Variants in PLA2G4A observed in about 807,000 individuals in gnomAD.
The protein encoded by PLA2G4A is cytosolic phospholipase A2.
A neutral mutation model predicts 81.9 loss-of-function variants in PLA2G4A; 40 were observed. The ratio of observed to expected loss-of-function variants is 0.49; its 90% CI spans 0.38 to 0.64. The LOEUF (loss-of-function observed/expected upper bound fraction) is 0.64. Ranked by LOEUF, PLA2G4A falls within the 30% of genes least tolerant of loss-of-function variation. The pLI, the probability that PLA2G4A is intolerant of heterozygous loss-of-function variation, is 0.00. For synonymous variants in PLA2G4A, 302 were observed against 296.9 expected, an observed-to-expected ratio of 1.02 and a Z score of -0.18; for missense variants, 715 against 905.1, an observed-to-expected ratio of 0.79 and a Z score of 2.69.
chr1:186,960,110 A>G (rs1409058999), intron 14 of PLA2G4A, among the ~76,000 whole-genome samples: 2 of 152,120 alleles, frequency 1.3e-5, no homozygotes, highest in Admixed American at 1.3e-4. Context: ...TTATAATAGG[A>G]TAAAATTCCA....
intron 5 of PLA2G4A, among the ~76,000 whole-genome samples, chr1:186,896,287 T>C (rs1445944207): frequency 6.6e-6 from 1 of 152,208 alleles, no homozygotes; most frequent in African/African-American, 2.4e-5. Flanking sequence ...TTATTACACC[T>C]TAAGAAAAGA....
At chr1:186,846,971 G>T (rs1169861771) in intron 1 of PLA2G4A, among the ~76,000 whole-genome samples, 1 of 151,832 alleles carries the variant, frequency 6.6e-6, no homozygotes, top group African/African-American at 2.4e-5. Context: ...TCTAGTCCCT[G>T]ACCGCTCCTC....
chr1:186,932,716 T>TTATGATTTTTAC (rs1283876242), intron 7 of PLA2G4A, 47 bp from the exon 8 acceptor site: 1 of 1,587,408 alleles, frequency 6.3e-7, no homozygotes, highest in South Asian at 1.1e-5. Context: ...GAACTGTATT[T>TTATGATTTTTAC]TATGATTTTT....
At chr1:186,848,770 G>A (rs767451509) in intron 1 of PLA2G4A, among the ~76,000 whole-genome samples, 37 of 151,832 alleles carry the variant, frequency 2.4e-4, no homozygotes, top group Admixed American at 4.6e-4. Context: ...CACACAGAAA[G>A]GGGGCAGAGA....
At position 186,940,195 on chromosome 1, in the gene PLA2G4A, T is replaced by G; in HGVS notation, c.1033+101T>G. 6.7e-6 allele frequency: 5 copies of G among 747,408 alleles called. No individual in the cohort carries two copies. The South Asian group carries it at 7.0e-5, about 10-fold the overall frequency. 46.3% of individuals were successfully genotyped at this position (747,408 alleles called of 1,614,324 possible). A position where few individuals can be genotyped will look rare whatever the true frequency, so the allele number is the denominator to read the frequency against. ...GTCATAAGCAATTTCAGTTGTTTAT[T>G]TTAATGTATTTTCTGTAACATAAGA... On this transcript the variant is annotated intron_variant, in intron 10 of 17. Transcript: ENST00000367466.
Position 186,962,499 on chromosome 1 carries a change from TTTA to T in PLA2G4A, c.1580-2907_1580-2905del, listed in dbSNP as rs1557893970. Among the ~76,000 whole-genome samples, 911 of 119,242 alleles carry T rather than the reference TTTA, an allele frequency of 7.6e-3. 15 individuals carry two copies. The highest frequency in any genetic ancestry group is 0.049 in the African/African-American group (878 of 17,850). 78.2% of individuals were successfully genotyped at this position (119,242 alleles called of 152,430 possible). A position where few individuals can be genotyped will look rare whatever the true frequency, so the allele number is the denominator to read the frequency against. On this transcript the variant is annotated intron_variant, in intron 14 of 17. Coordinates refer to ENST00000367466, the MANE Select transcript of PLA2G4A (RefSeq NM_024420.3). ...GTAGTTATTTTATTTTATTTATTTA[TTTA>T]TTTATTTATTTATTTATTTATTTAT... is the stretch of plus-strand genomic sequence containing the variant.
At chr1:186,951,729 A>T (rs1182578722) in intron 13 of PLA2G4A, among the ~76,000 whole-genome samples, 2 of 152,160 alleles carry the variant, frequency 1.3e-5, no homozygotes, top group Non-Finnish European at 2.9e-5. Context: ...TAAATTAAAG[A>T]AAAGCTGCCT....
At chr1:186,862,195 A>G (rs1571343415) in intron 2 of PLA2G4A, among the ~76,000 whole-genome samples, 2 of 144,058 alleles carry the variant, frequency 1.4e-5, no homozygotes, top group East Asian at 4.1e-4. Context: ...TGCCTTTCTG[A>G]CTTATGTCTG....
At chr1:186,834,014 A>G (rs1651689623) in intron 1 of PLA2G4A, among the ~76,000 whole-genome samples, 1 of 151,918 alleles carries the variant, frequency 6.6e-6, no homozygotes, top group Non-Finnish European at 1.5e-5. Flanking sequence ...CTTCCTCTTC[A>G]TTTGCTTGAC....
chr1:186,846,211 A>G (rs1652168358), intron 1 of PLA2G4A, among the ~76,000 whole-genome samples: 1 of 152,206 alleles, frequency 6.6e-6, no homozygotes, highest in Non-Finnish European at 1.5e-5. Flanking sequence ...TGCTACTATT[A>G]ACAGTTACAG....
chr1:186,846,173 T>G (rs1652166724), intron 1 of PLA2G4A, among the ~76,000 whole-genome samples: 1 of 152,180 alleles, frequency 6.6e-6, no homozygotes, highest in South Asian at 2.1e-4. Context: ...AGAAATGCCT[T>G]AATTTTGCAG....
At chr1:186,916,319 A>C (rs988864339) in intron 7 of PLA2G4A, among the ~76,000 whole-genome samples, 2 of 152,160 alleles carry the variant, frequency 1.3e-5, no homozygotes, top group African/African-American at 4.8e-5. Flanking sequence ...TTAGTACAGG[A>C]AGGGTCATTC....
rs948010823 is a variant in PLA2G4A, at chr1:186,946,915, C to T, written c.1218C>T (p.Gly406=). 27 of 1,611,984 alleles carry T rather than the reference C, an allele frequency of 1.7e-5. No homozygotes were observed. The highest frequency in any genetic ancestry group is 1.7e-4 in the Middle Eastern group (1 of 6,054). Residue 406 remains glycine (G), a synonymous_variant, in exon 12 of 18, where the codon GGC becomes GGT. Transcript: ENST00000367466. ...CCATATTGTTCAACAGAGTTTTGGG[C>T]GTTTCTGGTTCACAAAGCAGAGGCT... ...AFSILFNRVL[G]VSGSQSRGST...
intron 5 of PLA2G4A, among the ~76,000 whole-genome samples, chr1:186,894,944 C>G (rs558734992): frequency 8.5e-5 from 13 of 152,254 alleles, no homozygotes; most frequent in Admixed American, 3.3e-4. Context: ...ATACTAATTT[C>G]TTGTTGTTGG....
At chr1:186,965,119 A>G (rs1252862106) in intron 14 of PLA2G4A, among the ~76,000 whole-genome samples, 3 of 152,244 alleles carry the variant, frequency 2.0e-5, no homozygotes, top group African/African-American at 7.2e-5. Context: ...CATAGCTTAG[A>G]GTTAATACCA....
At chr1:186,862,939 CT>C (rs947422409) in intron 2 of PLA2G4A, among the ~76,000 whole-genome samples, 1 of 152,090 alleles carries the variant, frequency 6.6e-6, no homozygotes, top group Non-Finnish European at 1.5e-5. Flanking sequence ...GATGTTCACA[CT>C]TTTTTTGTGT....
Position 186,946,895 on chromosome 1 carries a change from T to A in PLA2G4A, c.1198T>A (p.Leu400Met), listed in dbSNP as rs992279714. Residue 400 changes from leucine to methionine, a missense_variant, in exon 12 of 18, where the codon TTG becomes ATG. Physicochemically the swap from Leu to Met is conservative, Grantham distance 15 (BLOSUM62 2). Transcript: ENST00000367466. Reference sequence around the variant, plus strand: ...TGTCTGGGGCAGTGCCTTTTCCATATTGTTCAACAGAGTTTTGGGCGTTTC... The same window carrying A: ...TGTCTGGGGCAGTGCCTTTTCCATAATGTTCAACAGAGTTTTGGGCGTTTC... ...MGVWGSAFSI[L>M]FNRVLGVSGS... 6.2e-7 allele frequency: 1 copy of A among 1,612,506 alleles called. No homozygotes were observed. Among genetic ancestry groups the A allele is most frequent in the Non-Finnish European group, 8.5e-7 (1 of 1,178,780 alleles).
At position 186,924,895 on chromosome 1, in the gene PLA2G4A, C is replaced by CA. The variant is rs555646474; in HGVS notation, c.559-7861dup. Among the ~76,000 whole-genome samples, 192 of 152,046 alleles carry CA rather than the reference C, an allele frequency of 1.3e-3. 2 individuals are homozygous for CA. Among genetic ancestry groups the CA allele is most frequent in the African/African-American group, 4.4e-3 (183 of 41,492 alleles). Reference sequence around the variant, plus strand: ...TGAAAACCCATGTCTGCAAAAAATACAAAAAAATTAGGTATGGTAGTGCGC... The same window carrying CA: ...TGAAAACCCATGTCTGCAAAAAATACAAAAAAAATTAGGTATGGTAGTGCGC... On this transcript the variant is annotated intron_variant, in intron 7 of 17. Coordinates refer to ENST00000367466, the MANE Select transcript of PLA2G4A (RefSeq NM_024420.3).
chr1:186,894,035 T>C, intron 4 of PLA2G4A, 63 bp from the exon 5 acceptor site: 3 of 775,710 alleles, frequency 3.9e-6, no homozygotes, highest in South Asian at 2.7e-5. Context: ...GTGGAAATTA[T>C]AGATGTCATT....
Sources: gnomAD v4.1 joint callset for allele counts (sites outside exome capture counted in the v4.1 genomes callset) on GRCh38, gnomAD v4.1.1 for gene constraint, MANE v1.5 for transcripts, NCBI Gene and HGNC (gene_info 2026-07-23, HGNC 2026-07-21) for gene names.